CACNA1G: variants seen among roughly 807,000 people sequenced by gnomAD.
CACNA1G encodes voltage-dependent T-type calcium channel subunit alpha-1G.
In CACNA1G, 67 loss-of-function variants were observed where a neutral mutation model predicts 219.4. The ratio of observed to expected loss-of-function variants is 0.31; its 90% CI spans 0.25 to 0.37. The LOEUF (loss-of-function observed/expected upper bound fraction) is 0.37, where lower values mean the gene tolerates loss of function less well. Ranked by LOEUF, CACNA1G falls within the 10% of genes least tolerant of loss-of-function variation. The pLI is 1.00. For missense variants in CACNA1G, 2,380 were observed against 3,231.4 expected (o/e 0.74, Z 6.39); for synonymous variants, 1,296 against 1,345.3 (o/e 0.96, Z 0.80).
chr17:50,611,266 AAAAAAG>A (rs1323566126), intron 26 of CACNA1G, among the ~76,000 whole-genome samples: 3 of 151,390 alleles, frequency 2.0e-5, no homozygotes, highest in African/African-American at 7.3e-5. Context: ...AAAAAAAAAA[AAAAAAG>A]AGAGAGAGAG....
rs1188592314 is a variant in CACNA1G at position 50,626,027 on chromosome 17, G to A, written c.6410G>A (p.Arg2137Lys). Residue 2137 changes from arginine to lysine, a missense_variant, in exon 38 of 38, where the codon AGG (arginine) becomes AAG (lysine). By Grantham distance (26) the Arg-to-Lys change is conservative. This residue lies in a region of CACNA1G where 672 missense variants were observed against 670.5 expected (regional missense o/e 1.00). Coordinates refer to ENST00000359106, the MANE Select transcript of CACNA1G (RefSeq NM_018896.5). This position sits in a 1 kb window ranked among gnomAD's most constrained non-coding sequence, Gnocchi z 4.3. ...QRPLRRQAAI[R>K]TDSLDVQGLG... is the part of the protein sequence containing the mutation. The stretch of plus-strand genomic sequence containing the variant: ...CCCCACCCCATATAGGCAGCAATAA[G>A]GACTGACTCCTTGGACGTTCAGGGT... 2 of 1,609,298 alleles carry A rather than the reference G, an allele frequency of 1.2e-6. No homozygotes were observed. Among genetic ancestry groups the A allele is most frequent in the South Asian group, 2.2e-5 (2 of 90,768 alleles).
chr17:50,590,009 T>G (rs1434191745), intron 9 of CACNA1G, among the ~76,000 whole-genome samples: 1 of 150,168 alleles, frequency 6.7e-6, no homozygotes, highest in African/African-American at 2.5e-5. Flanking sequence ...GTCCACAGAG[T>G]AATTGTGGAA....
rs1053903010 is a variant in CACNA1G, at chr17:50,627,405, A to G, written c.*654A>G. ...TACAAGTGAAATGGAACCTTTTTAT[A>G]TATACATACATACATATCTATCTAT... is the stretch of plus-strand genomic sequence containing the variant. On this transcript the variant is annotated 3_prime_UTR_variant, in exon 38 of 38. Transcript: ENST00000359106. 1.3e-4 allele frequency: 48 copies of G among 372,912 alleles called. 1 individual carries two copies. The highest frequency in any genetic ancestry group is 2.2e-4 in the Non-Finnish European group (43 of 194,262). 23.1% of individuals were successfully genotyped at this position (372,912 alleles called of 1,614,324 possible). A position where few individuals can be genotyped will look rare whatever the true frequency, so the allele number is the denominator to read the frequency against.
chr17:50,593,385 G>A (rs2044761888), intron 13 of CACNA1G, among the ~76,000 whole-genome samples: 1 of 152,246 alleles, frequency 6.6e-6, no homozygotes, highest in African/African-American at 2.4e-5. Context: ...CAACTCTGTG[G>A]AGGGAAATGG....
intron 19 of CACNA1G, among the ~76,000 whole-genome samples, chr17:50,602,289 G>C (rs1269329876): frequency 6.6e-6 from 1 of 152,182 alleles, no homozygotes; most frequent in East Asian, 1.9e-4. Flanking sequence ...CCCAGGGAGG[G>C]ACTCAGTCCA....
intron 24 of CACNA1G, chr17:50,607,219 T>C: frequency 1.8e-6 from 1 of 563,526 alleles, no homozygotes; most frequent in South Asian, 1.8e-5. Flanking sequence ...ACTGGTGAAT[T>C]TGGGCTGTGT....
In CACNA1G at chr17:50,598,500, C is replaced by CT. The variant is rs141839533; in HGVS notation, c.3259-927dup. 2.3e-3 allele frequency among the ~76,000 whole-genome samples: 356 copies of CT among 152,354 alleles called. 1 individual carries two copies. Among genetic ancestry groups the CT allele is most frequent in the African/African-American group, 8.0e-3 (333 of 41,582 alleles). ...GGAATTGCTGGGTCATATGGCAACTCTATTTTTAGGTTTTTGAGGAACCTG... is the reference window on the plus strand; with the variant it reads ...GGAATTGCTGGGTCATATGGCAACTCTTATTTTTAGGTTTTTGAGGAACCTG... On this transcript the variant is annotated intron_variant, in intron 16 of 37. Coordinates refer to ENST00000359106, the MANE Select transcript of CACNA1G (RefSeq NM_018896.5).
Position 50,591,901 on chromosome 17 carries a change from C to A in CACNA1G, c.2755-36C>A, listed in dbSNP as rs199934617. 2.0e-4 allele frequency: 324 copies of A among 1,613,898 alleles called. 2 individuals carry two copies. The African/African-American group carries it at 3.8e-3, about 19-fold the overall frequency. On this transcript the variant is annotated intron_variant, in intron 12 of 37. Coordinates refer to ENST00000359106, the MANE Select transcript of CACNA1G (RefSeq NM_018896.5). ...CGTGGACAGGGGCCGTCAGGTGCCC[C>A]TAGTATAGGCCCTGATTCCTGTCTT...
chr17:50,584,440 G>T (rs1186153628), intron 9 of CACNA1G, among the ~76,000 whole-genome samples: 2 of 152,044 alleles, frequency 1.3e-5, no homozygotes, highest in Middle Eastern at 3.2e-3. Context: ...GGGCTGGGAA[G>T]AGGGTCCCTG....
Position 50,589,894 on chromosome 17 carries a change from T to TCTCTCTC in CACNA1G, c.2302-577_2302-576insCTCTCTC, listed in dbSNP as rs1555655436. ...TGTGTGACTGGGAATGCGTGCATTT[T>TCTCTCTC]TCTCTCTCTCTCTCTCTCTGTGTGT... is the stretch of plus-strand genomic sequence containing the variant. On this transcript the variant is annotated intron_variant, in intron 9 of 37. Transcript: ENST00000359106. Among the ~76,000 whole-genome samples the TCTCTCTC allele has an allele frequency of 1.0e-3, 145 of 138,872 alleles. 1 individual carries two copies. Among genetic ancestry groups the TCTCTCTC allele is most frequent in the African/African-American group, 3.6e-3 (129 of 35,488 alleles). 91.1% of individuals were successfully genotyped at this position (138,872 alleles called of 152,430 possible).
intron 8 of CACNA1G, among the ~76,000 whole-genome samples, chr17:50,577,757 G>T (rs1327531052): frequency 6.6e-6 from 1 of 152,126 alleles, no homozygotes; most frequent in African/African-American, 2.4e-5. Flanking sequence ...GTGTGCAGGT[G>T]CACGTGTCTG....
At chr17:50,594,437 G>C (rs1233457767) in intron 13 of CACNA1G, among the ~76,000 whole-genome samples, 1 of 152,188 alleles carries the variant, frequency 6.6e-6, no homozygotes, top group African/African-American at 2.4e-5. Flanking sequence ...TGTTGACTCT[G>C]ACTTTCGTCC....
At chr17:50,625,877 G>A in intron 37 of CACNA1G, 140 bp from the exon 38 acceptor site, 1 of 852,938 alleles carries the variant, frequency 1.2e-6, no homozygotes, top group Non-Finnish European at 1.8e-6. Context: ...CTACTAGTAA[G>A]AGCGGCTACC....
intron 35 of CACNA1G, among the ~76,000 whole-genome samples, chr17:50,623,678 C>T (rs959258003): frequency 4.6e-5 from 7 of 152,140 alleles, no homozygotes; most frequent in East Asian, 1.9e-4. Context: ...CAGACTCTCC[C>T]GGCTGCCCAG....
chr17:50,579,153 T>C (rs562157442), intron 9 of CACNA1G, among the ~76,000 whole-genome samples: 7 of 152,202 alleles, frequency 4.6e-5, no homozygotes, highest in East Asian at 3.9e-4. Flanking sequence ...GTGCCCAGCA[T>C]GGCAAGGGGA....
Position 50,590,616 on chromosome 17 carries a change from T to C in CACNA1G, c.2447T>C (p.Val816Ala). 3.1e-6 allele frequency: 5 copies of C among 1,613,634 alleles called. No individual in the cohort carries two copies. Among genetic ancestry groups the C allele is most frequent in the Non-Finnish European group, 4.2e-6 (5 of 1,179,734 alleles). ...AACATCTTCGATGGTGTCATTGTGG[T>C]CATCAGGTATGACTACCCCCCGGCA... ...PYNIFDGVIVVISVWEIVGQQ... is the reference protein window; with the variant it reads ...PYNIFDGVIVAISVWEIVGQQ... The change falls in exon 10 of 38, where the codon GTC becomes GCC. Residue 816 changes from valine to alanine, a missense_variant. Around this residue, in one of 17 missense-constraint regions of CACNA1G, gnomAD observed 82 missense variants for 140.7 expected, o/e 0.58. Coordinates refer to ENST00000359106, the MANE Select transcript of CACNA1G (RefSeq NM_018896.5).
At chr17:50,613,600 T>C (rs1216112011) in intron 26 of CACNA1G, among the ~76,000 whole-genome samples, 1 of 152,234 alleles carries the variant, frequency 6.6e-6, no homozygotes, top group Non-Finnish European at 1.5e-5. Context: ...TCCTCTACAT[T>C]GTCTCAGCTA....
intron 14 of CACNA1G, among the ~76,000 whole-genome samples, chr17:50,595,475 C>T (rs2045344798): frequency 6.6e-6 from 1 of 152,260 alleles, no homozygotes; most frequent in Non-Finnish European, 1.5e-5. Flanking sequence ...ATCTCCCACC[C>T]CTTCACCCCT....
At chr17:50,620,651 G>A (rs912511048) in intron 34 of CACNA1G, among the ~76,000 whole-genome samples, 5 of 152,192 alleles carry the variant, frequency 3.3e-5, no homozygotes, top group Non-Finnish European at 5.9e-5. Flanking sequence ...AGATAGAAAA[G>A]CCGAGTCCTC....
Sources: gnomAD v4.1 joint callset for allele counts (sites outside exome capture counted in the v4.1 genomes callset) on GRCh38, gnomAD v4.1.1 for gene constraint, gnomAD v4.1.1 regional missense constraint, Gnocchi (gnomAD v3.1) non-coding constraint, MANE v1.5 for transcripts, NCBI Gene and HGNC (gene_info 2026-07-23, HGNC 2026-07-21) for gene names.